RBFOX3: variants seen among roughly 807,000 people sequenced by gnomAD.
RBFOX3 encodes RNA binding protein fox-1 homolog 3.
RBFOX3 carries 17 observed loss-of-function variants against 48.7 expected under a neutral mutation model. That is an observed-to-expected ratio of 0.35 (90% CI 0.24 to 0.52). RBFOX3 has a LOEUF of 0.52. Among genes scored for constraint, RBFOX3 ranks in the 20% least tolerant of loss-of-function variants. RBFOX3 has a pLI of 0.94. For missense variants in RBFOX3, 382 were observed against 497.5 expected (o/e 0.77, Z 2.21); for synonymous variants, 212 against 209.5 (o/e 1.01, Z -0.10).
chr17:79,267,928 G>T (rs767423559), intron 3 of RBFOX3, among the ~76,000 whole-genome samples: 2 of 152,162 alleles, frequency 1.3e-5, no homozygotes, highest in Non-Finnish European at 2.9e-5. Context: ...ACTCTTGATG[G>T]CTCTGGGCTC....
At chr17:79,638,703 G>T in the RBFOX3 span, among the ~76,000 whole-genome samples, 1 of 152,192 alleles carries the variant, frequency 6.6e-6, no homozygotes, top group Admixed American at 6.5e-5. Flanking sequence ...GGGAAGAGGG[G>T]TGAGCAAGTT....
chr17:79,555,074 A>G (rs2091517048), intron 1 of RBFOX3, among the ~76,000 whole-genome samples: 1 of 152,226 alleles, frequency 6.6e-6, no homozygotes, highest in African/African-American at 2.4e-5. Flanking sequence ...TTGGAATCAG[A>G]TCTGCCACCA....
At chr17:79,138,603 C>A (rs2040836996) in intron 4 of RBFOX3, among the ~76,000 whole-genome samples, 1 of 137,580 alleles carries the variant, frequency 7.3e-6, no homozygotes, top group South Asian at 2.3e-4. Flanking sequence ...CAACCCCTCA[C>A]CCACACACAC....
intron 1 of RBFOX3, among the ~76,000 whole-genome samples, chr17:79,510,500 G>A (rs2083969660): frequency 6.6e-6 from 1 of 152,200 alleles, no homozygotes; most frequent in Admixed American, 6.5e-5. Context: ...GCCACAGGGA[G>A]AGGGGCACCG....
intron 1 of RBFOX3, among the ~76,000 whole-genome samples, chr17:79,561,594 C>A (rs980380386): frequency 2.6e-5 from 4 of 152,152 alleles, no homozygotes; most frequent in African/African-American, 9.7e-5. Flanking sequence ...AAAAGCGGTG[C>A]GTGTTGGTGA....
chr17:79,426,184 C>A (rs1315604697), intron 2 of RBFOX3, among the ~76,000 whole-genome samples: 1 of 152,050 alleles, frequency 6.6e-6, no homozygotes, highest in Non-Finnish European at 1.5e-5. Context: ...GGTGTGAGGA[C>A]TTTCAGGTTC....
chr17:79,225,032 G>A (rs1368540367), intron 4 of RBFOX3, among the ~76,000 whole-genome samples: 1 of 152,204 alleles, frequency 6.6e-6, no homozygotes, highest in East Asian at 1.9e-4. Flanking sequence ...GCCCAGCCTT[G>A]TGGCGCACCA....
intron 1 of RBFOX3, among the ~76,000 whole-genome samples, chr17:79,564,431 C>A (rs1892010363): frequency 6.6e-6 from 1 of 152,160 alleles, no homozygotes; most frequent in Non-Finnish European, 1.5e-5. Flanking sequence ...GCCGAGCTGG[C>A]CTTGCTGGCT....
chr17:79,518,562 G>A (rs2085590906), intron 1 of RBFOX3, among the ~76,000 whole-genome samples: 1 of 152,256 alleles, frequency 6.6e-6, no homozygotes, highest in Non-Finnish European at 1.5e-5. Flanking sequence ...GAAGGCTGGG[G>A]GAGCTGGGGC....
chr17:79,426,758 G>A (rs1241385236), intron 2 of RBFOX3, among the ~76,000 whole-genome samples: 1 of 152,076 alleles, frequency 6.6e-6, no homozygotes, highest in South Asian at 2.1e-4. Flanking sequence ...AGGCTGGAGT[G>A]CAGTGGTGTG....
At chr17:79,255,302 C>T (rs1038194280) in intron 3 of RBFOX3, among the ~76,000 whole-genome samples, 5 of 151,080 alleles carry the variant, frequency 3.3e-5, no homozygotes, top group Admixed American at 2.0e-4. Context: ...TCTGGGGTGA[C>T]GGTGCCGTAG....
the RBFOX3 span, among the ~76,000 whole-genome samples, chr17:79,628,610 G>A: frequency 6.6e-5 from 10 of 152,182 alleles, no homozygotes; most frequent in African/African-American, 9.6e-5. Flanking sequence ...AGGGGCACTC[G>A]GTGCATTCAC....
intron 2 of RBFOX3, among the ~76,000 whole-genome samples, chr17:79,396,114 A>C (rs1290097663): frequency 6.6e-6 from 1 of 152,196 alleles, no homozygotes; most frequent in Non-Finnish European, 1.5e-5. Context: ...GCAGGGTGCA[A>C]AGCCACGTCT....
At chr17:79,121,841 C>A (rs1484920201) in intron 4 of RBFOX3, among the ~76,000 whole-genome samples, 4 of 152,052 alleles carry the variant, frequency 2.6e-5, no homozygotes, top group Non-Finnish European at 5.9e-5. Flanking sequence ...GATTTAGTCT[C>A]CAAATTAAAA....
the RBFOX3 span, among the ~76,000 whole-genome samples, chr17:79,642,495 T>A: frequency 6.6e-6 from 1 of 152,186 alleles, no homozygotes; most frequent in South Asian, 2.1e-4. Flanking sequence ...TTTTTATTTG[T>A]CAAGTATACC....
intron 2 of RBFOX3, among the ~76,000 whole-genome samples, chr17:79,308,243 C>G (rs1238243312): frequency 6.6e-6 from 1 of 152,234 alleles, no homozygotes; most frequent in Non-Finnish European, 1.5e-5. Context: ...TCCTCAGCAC[C>G]AGGCCCAGCT....
chr17:79,274,106 G>A (rs1183885906), intron 3 of RBFOX3, among the ~76,000 whole-genome samples: 2 of 152,184 alleles, frequency 1.3e-5, no homozygotes, highest in East Asian at 1.9e-4. Flanking sequence ...AGAAGGCGGT[G>A]TGCCCTGGCC....
chr17:79,129,145 T>A (rs2038114846), intron 4 of RBFOX3, among the ~76,000 whole-genome samples: 1 of 152,120 alleles, frequency 6.6e-6, no homozygotes, highest in Admixed American at 6.5e-5. Flanking sequence ...CTGCTGATGA[T>A]GATAATTAGA....
intron 3 of RBFOX3, among the ~76,000 whole-genome samples, chr17:79,276,229 T>G (rs2068784546): frequency 6.6e-6 from 1 of 151,972 alleles, no homozygotes; most frequent in African/African-American, 2.4e-5. Flanking sequence ...CAGAAATGAG[T>G]GACTCTGGTG....
Sources: gnomAD v4.1 joint callset for allele counts (sites outside exome capture counted in the v4.1 genomes callset) on GRCh38, gnomAD v4.1.1 for gene constraint, MANE v1.5 for transcripts, NCBI Gene and HGNC (gene_info 2026-07-23, HGNC 2026-07-21) for gene names.